Variants in GPHN observed in about 807,000 individuals in gnomAD.
GPHN encodes the protein gephyrin.
In GPHN, 17 loss-of-function variants were observed where a neutral mutation model predicts 95.5. The ratio of observed to expected loss-of-function variants is 0.18; its 90% CI spans 0.12 to 0.27. The LOEUF is 0.27. Ranked by LOEUF, GPHN falls within the 10% of genes least tolerant of loss-of-function variation. The pLI, the probability that GPHN is intolerant of heterozygous loss-of-function variation, is 1.00. For synonymous variants in GPHN, 320 were observed against 322.5 expected (o/e 0.99, Z 0.08); for missense variants, 660 against 978.1 (o/e 0.67, Z 4.34).
intron 1 of GPHN, among the ~76,000 whole-genome samples, chr14:66,659,639 C>A (rs1479948118): frequency 1.3e-5 from 2 of 151,822 alleles, no homozygotes; most frequent in African/African-American, 4.8e-5. Context: ...TTTTGTCTTC[C>A]CGATGGATTA....
chr14:67,476,033 A>G, the GPHN span, among the ~76,000 whole-genome samples: 2 of 152,216 alleles, frequency 1.3e-5, no homozygotes, highest in African/African-American at 4.8e-5. Flanking sequence ...CTGCATCAAG[A>G]ATGGGAAGGT....
chr14:67,678,813 C>T, the GPHN span, among the ~76,000 whole-genome samples: 10 of 151,018 alleles, frequency 6.6e-5, no homozygotes, highest in African/African-American at 1.9e-4. Flanking sequence ...CTGCTATTCA[C>T]ATTGGTCAGA....
chr14:66,514,357 CAT>C (rs1369671089), intron 1 of GPHN, among the ~76,000 whole-genome samples: 1 of 151,946 alleles, frequency 6.6e-6, no homozygotes, highest in Non-Finnish European at 1.5e-5. Flanking sequence ...AGCACTGAAT[CAT>C]AGAAAGAACA....
chr14:66,880,910 T>C (rs2063898280), intron 5 of GPHN, among the ~76,000 whole-genome samples: 1 of 151,934 alleles, frequency 6.6e-6, no homozygotes, highest in Admixed American at 6.6e-5. Context: ...TCAGAAACTG[T>C]TGAAGGATTT....
intron 12 of GPHN, among the ~76,000 whole-genome samples, chr14:67,090,060 C>G (rs1161577647): frequency 6.6e-6 from 1 of 152,048 alleles, no homozygotes; most frequent in African/African-American, 2.4e-5. Context: ...AATCTACTCT[C>G]TTAGTGATTT....
intron 3 of GPHN, among the ~76,000 whole-genome samples, chr14:66,812,653 G>T (rs1481683435): frequency 1.3e-5 from 2 of 152,096 alleles, no homozygotes; most frequent in Non-Finnish European, 2.9e-5. Context: ...TGTTTTCAGG[G>T]TATCTTCTTT....
the GPHN span, among the ~76,000 whole-genome samples, chr14:67,599,172 T>G: frequency 6.6e-6 from 1 of 152,208 alleles, no homozygotes; most frequent in East Asian, 1.9e-4. Flanking sequence ...CAAAAATAAA[T>G]AGCCCTGCTG....
At chr14:66,942,604 A>T (rs1318745846) in intron 8 of GPHN, among the ~76,000 whole-genome samples, 1 of 152,222 alleles carries the variant, frequency 6.6e-6, no homozygotes, top group African/African-American at 2.4e-5. Context: ...TAACAACCTT[A>T]ATTATGATTG....
At chr14:67,439,545 CTTTCTTTCTT>C in the GPHN span, among the ~76,000 whole-genome samples, 20,885 of 137,952 alleles carry the variant, frequency 0.15, 1,642 homozygotes, top group Middle Eastern at 0.21. Context: ...TTCTTTCTTT[CTTTCTTTCTT>C]TCTTTCTTTC....
At position 66,965,286 on chromosome 14, in the gene GPHN, T is replaced by C. The variant is rs1237395480; in HGVS notation, c.924T>C (p.Ala308=). 6.2e-7 allele frequency: 1 copy of C among 1,613,696 alleles called. No homozygotes were observed. The highest frequency in any genetic ancestry group is 8.5e-7 in the Non-Finnish European group (1 of 1,179,700). The change falls in exon 9 of 23, where the codon GCT becomes GCC. Residue 308 remains alanine, a synonymous_variant. Transcript: ENST00000478722. ...TTPSESPRAQ[A]TSRLSTASCP... ...CTTCAGAATCGCCTCGTGCTCAGGC[T>C]ACATCTCGCCTCTCTACAGCTTCCT...
At chr14:66,793,256 CTAAT>C (rs1420394771) in intron 3 of GPHN, among the ~76,000 whole-genome samples, 3 of 152,112 alleles carry the variant, frequency 2.0e-5, no homozygotes, top group Non-Finnish European at 4.4e-5. Flanking sequence ...CCTTTTTCTC[CTAAT>C]TAATTTAAAA....
chr14:67,636,026 T>A, the GPHN span, among the ~76,000 whole-genome samples: 1 of 152,244 alleles, frequency 6.6e-6, no homozygotes, highest in Non-Finnish European at 1.5e-5. Context: ...TTGTTATTCC[T>A]GACAAGTCAC....
the GPHN span, chr14:67,397,780 T>C: frequency 2.5e-6 from 4 of 1,613,316 alleles, no homozygotes; most frequent in Non-Finnish European, 3.4e-6. Context: ...CAGCGTGTTC[T>C]GCCGAAGGAT....
At chr14:67,059,394 A>G (rs910571230) in intron 11 of GPHN, among the ~76,000 whole-genome samples, 6 of 152,314 alleles carry the variant, frequency 3.9e-5, no homozygotes, top group Non-Finnish European at 8.8e-5. Flanking sequence ...CTTCCAGCCA[A>G]TAAAGCTTGT....
At chr14:66,793,362 C>T (rs2060042889) in intron 3 of GPHN, among the ~76,000 whole-genome samples, 1 of 152,142 alleles carries the variant, frequency 6.6e-6, no homozygotes, top group Admixed American at 6.5e-5. Context: ...GGAAGCAAAG[C>T]TGAATTGCAG....
the GPHN span, among the ~76,000 whole-genome samples, chr14:67,681,316 A>G: frequency 6.6e-6 from 1 of 152,228 alleles, no homozygotes; most frequent in Non-Finnish European, 1.5e-5. Context: ...ATAAATTTAT[A>G]TTGTTTAAGC....
At position 66,932,001 on chromosome 14, in the gene GPHN, T is replaced by C. The variant is rs547236308; in HGVS notation, c.828+7709T>C. Among the ~76,000 whole-genome samples the C allele has an allele frequency of 2.0e-5, 3 of 152,336 alleles. No homozygotes were observed. In the South Asian group the frequency reaches 6.2e-4, roughly 32 times the overall value. On this transcript the variant is annotated intron_variant, in intron 8 of 22. Coordinates refer to ENST00000478722, the MANE Select transcript of GPHN (RefSeq NM_020806.5). The stretch of plus-strand genomic sequence containing the variant: ...TTGTACCCATCCTTCTTGGGAAGGC[T>C]TTCCAAATACTCAAAGGGAATTAAA...
At chr14:66,711,585 TTC>T (rs1491472097) in intron 2 of GPHN, among the ~76,000 whole-genome samples, 2 of 121,180 alleles carry the variant, frequency 1.7e-5, no homozygotes, top group Admixed American at 8.8e-5. Context: ...CAAATGGTAG[TTC>T]TTTTTTTTTT....
intron 2 of GPHN, among the ~76,000 whole-genome samples, chr14:66,686,338 G>C (rs1053711406): frequency 2.3e-4 from 35 of 152,180 alleles, no homozygotes; most frequent in African/African-American, 8.2e-4. Flanking sequence ...ACCTTGGGCA[G>C]TATGGCCATT....
Sources: allele counts gnomAD v4.1 joint callset (sites outside exome capture counted in the v4.1 genomes callset), GRCh38; gene constraint gnomAD v4.1.1; transcripts MANE v1.5; gene names NCBI Gene and HGNC (gene_info 2026-07-23, HGNC 2026-07-21).